The following CSMD3 variants were observed in gnomAD, a reference collection of about 807,000 sequenced individuals.
CSMD3 encodes the protein CUB and Sushi multiple domains 3.
In CSMD3, 177 loss-of-function variants were observed where a neutral mutation model predicts 435.2. That is an observed-to-expected ratio of 0.41 (90% CI 0.36 to 0.46). The LOEUF (loss-of-function observed/expected upper bound fraction) is 0.46, where lower values mean the gene tolerates loss of function less well. Among genes scored for constraint, CSMD3 ranks in the 20% least tolerant of loss-of-function variants. The probability of loss-of-function intolerance (pLI) is 0.34; values close to 1 mark genes in which losing one functional copy is unlikely to be tolerated. For missense variants in CSMD3, 4,265 were observed against 4,504.6 expected, an observed-to-expected ratio of 0.95 and a Z score of 1.52; for synonymous variants, 1,656 against 1,520.5, an observed-to-expected ratio of 1.09 and a Z score of -2.07.
intron 13 of CSMD3, among the ~76,000 whole-genome samples, chr8:112,693,812 G>C (rs147946219): frequency 6.6e-6 from 1 of 151,290 alleles, no homozygotes; most frequent in African/African-American, 2.4e-5. Context: ...CTCATGTTGC[G>C]CAAACTTTCA....
intron 17 of CSMD3, among the ~76,000 whole-genome samples, 160 bp downstream of exon 17, chr8:112,666,117 C>T (rs944622755): frequency 3.9e-5 from 6 of 152,192 alleles, no homozygotes; most frequent in African/African-American, 9.6e-5. Context: ...CTTGGAAACA[C>T]GCTGAAAGGT....
chr8:113,090,906 C>T (rs1187049771), intron 5 of CSMD3, among the ~76,000 whole-genome samples: 2 of 152,014 alleles, frequency 1.3e-5, no homozygotes, highest in African/African-American at 4.8e-5. Flanking sequence ...ATATCCTAAC[C>T]TACCACCTCT....
At chr8:113,338,534 C>T (rs1324780879) in intron 1 of CSMD3, among the ~76,000 whole-genome samples, 1 of 151,848 alleles carries the variant, frequency 6.6e-6, no homozygotes, top group East Asian at 1.9e-4. Flanking sequence ...CAATAGAATA[C>T]TATTTAACAA....
At chr8:113,315,245 C>T (rs959128778) in intron 1 of CSMD3, among the ~76,000 whole-genome samples, 1 of 152,116 alleles carries the variant, frequency 6.6e-6, no homozygotes, top group African/African-American at 2.4e-5. Context: ...GCTTTTTTGA[C>T]ATATTCAGAT....
At chr8:113,153,176 A>AAGGAAAGG (rs2091864840) in intron 4 of CSMD3, among the ~76,000 whole-genome samples, 1 of 138,502 alleles carries the variant, frequency 7.2e-6, no homozygotes, top group Non-Finnish European at 1.5e-5. Flanking sequence ...GGAAGGAAAG[A>AAGGAAAGG]AGGAAGGGAG....
rs1830795799 is a variant in CSMD3, at chr8:112,587,129, T to C, written c.3822A>G (p.Gln1274=). The change falls in exon 23 of 71, where the codon CAA becomes CAG. Residue 1274 remains glutamine (Q), a synonymous_variant. Coordinates refer to ENST00000297405, the MANE Select transcript of CSMD3 (RefSeq NM_198123.2). ...CTGAAATATTGATTCCCTTTCCTGCTTGAACCTGAATACTATAAATGCATT... is the reference window on the plus strand; with the variant it reads ...CTGAAATATTGATTCCCTTTCCTGCCTGAACCTGAATACTATAAATGCATT... The part of the protein sequence containing the change: ...NHECIYSIQV[Q]AGKGINISAR... 5.0e-6 allele frequency: 8 copies of C among 1,611,080 alleles called. No individual in the cohort carries two copies. Among genetic ancestry groups the C allele is most frequent in the South Asian group, 2.2e-5 (2 of 91,052 alleles).
chr8:112,337,108 A>G (rs887100738), intron 43 of CSMD3, among the ~76,000 whole-genome samples: 1 of 152,174 alleles, frequency 6.6e-6, no homozygotes, highest in Admixed American at 6.5e-5. Context: ...TTTTATATCA[A>G]TGCAAAGACT....
chr8:113,408,354 ACT>A (rs2094542448), intron 1 of CSMD3, among the ~76,000 whole-genome samples: 2 of 152,194 alleles, frequency 1.3e-5, no homozygotes, highest in African/African-American at 2.4e-5. Context: ...TCATGGTAAG[ACT>A]TTTTTCATGA....
At chr8:112,740,260 A>G (rs2077274438) in intron 13 of CSMD3, among the ~76,000 whole-genome samples, 2 of 151,694 alleles carry the variant, frequency 1.3e-5, no homozygotes, top group Non-Finnish European at 2.9e-5. Flanking sequence ...TTTTATTTCC[A>G]TTTCTAATAA....
chr8:113,302,874 C>T (rs912140126), intron 2 of CSMD3, among the ~76,000 whole-genome samples: 7 of 144,496 alleles, frequency 4.8e-5, no homozygotes, highest in Non-Finnish European at 1.0e-4. Flanking sequence ...CCTCTCTCAC[C>T]GCTCCTATTC....
intron 4 of CSMD3, among the ~76,000 whole-genome samples, chr8:113,124,003 C>T (rs546692256): frequency 6.6e-5 from 10 of 152,136 alleles, no homozygotes; most frequent in Middle Eastern, 3.4e-3. Context: ...TCTACCAAAG[C>T]CCCCAAAAAC....
chr8:112,377,014 G>A (rs928832038), intron 38 of CSMD3, among the ~76,000 whole-genome samples: 1 of 152,024 alleles, frequency 6.6e-6, no homozygotes, highest in Non-Finnish European at 1.5e-5. Flanking sequence ...TTTAACAGGA[G>A]AACTAATCTA....
At chr8:113,101,504 G>A (rs2090329501) in intron 4 of CSMD3, among the ~76,000 whole-genome samples, 1 of 151,890 alleles carries the variant, frequency 6.6e-6, no homozygotes, top group South Asian at 2.1e-4. Flanking sequence ...CCAAGGCATA[G>A]AAATCAATTT....
intron 33 of CSMD3, among the ~76,000 whole-genome samples, chr8:112,408,645 G>T (rs949071779): frequency 5.9e-5 from 9 of 151,664 alleles, no homozygotes; most frequent in African/African-American, 2.2e-4. Flanking sequence ...ATTCTTCAAA[G>T]AATTCTTAAA....
At chr8:113,118,147 G>T (rs1042468631) in intron 4 of CSMD3, among the ~76,000 whole-genome samples, 2 of 152,040 alleles carry the variant, frequency 1.3e-5, no homozygotes, top group East Asian at 1.9e-4. Flanking sequence ...CATCAGTCTC[G>T]ATTACAATAT....
chr8:112,489,149 G>A (rs1820432827), intron 31 of CSMD3, among the ~76,000 whole-genome samples: 1 of 152,178 alleles, frequency 6.6e-6, no homozygotes, highest in Admixed American at 6.5e-5. Context: ...CAGGTGTGGT[G>A]GCTCATGCCT....
At chr8:113,396,682 G>A (rs1304573279) in intron 1 of CSMD3, among the ~76,000 whole-genome samples, 3 of 151,898 alleles carry the variant, frequency 2.0e-5, no homozygotes, top group East Asian at 1.9e-4. Flanking sequence ...TGATTAATTC[G>A]TACCAAAGTA....
At chr8:112,574,898 T>A (rs1829821711) in intron 23 of CSMD3, among the ~76,000 whole-genome samples, 1 of 151,968 alleles carries the variant, frequency 6.6e-6, no homozygotes, top group African/African-American at 2.4e-5. Context: ...AAAATTATGT[T>A]GTTGGATTCT....
intron 4 of CSMD3, among the ~76,000 whole-genome samples, chr8:113,100,642 T>C (rs1014733911): frequency 1.3e-5 from 2 of 152,104 alleles, no homozygotes; most frequent in Non-Finnish European, 2.9e-5. Flanking sequence ...AGTTCAAGTG[T>C]TCTCATCTCA....
Sources: gnomAD v4.1 joint callset for allele counts (sites outside exome capture counted in the v4.1 genomes callset) on GRCh38, gnomAD v4.1.1 for gene constraint, MANE v1.5 for transcripts, NCBI Gene and HGNC (gene_info 2026-07-23, HGNC 2026-07-21) for gene names.